GTF2H3: variants seen among roughly 807,000 people sequenced by gnomAD.
GTF2H3 encodes general transcription factor IIH subunit 3.
Under a neutral mutation model 51.1 loss-of-function variants are expected in GTF2H3, and 42 were observed. The observed-to-expected ratio is 0.82, with a 90% CI of 0.64 to 1.06. The LOEUF (loss-of-function observed/expected upper bound fraction) is 1.06, where lower values mean the gene tolerates loss of function less well. Among genes scored for constraint, GTF2H3 ranks in the 50% least tolerant of loss-of-function variants. The probability of loss-of-function intolerance (pLI) is 0.00; values close to 1 mark genes in which losing one functional copy is unlikely to be tolerated. For missense variants in GTF2H3, 326 were observed against 366.1 expected (o/e 0.89, Z 0.89); for synonymous variants, 123 against 123.8 (o/e 0.99, Z 0.04).
Position 123,645,483 on chromosome 12 carries a change from T to C in GTF2H3, c.122T>C (p.Val41Ala), listed in dbSNP as rs781051083. ...ACTTTATCCAAATGCATAGATGCCG[T>C]GATGGTGCTGGGAAATTCGCATTTA... ...QFTLSKCIDA[V>A]MVLGNSHLFM... Residue 41 changes from valine (V) to alanine (A), a missense_variant, in exon 3 of 13, where the codon GTG (valine) becomes GCG (alanine). Physicochemically the swap from Val to Ala is moderately conservative, Grantham distance 64. Transcript: ENST00000543341. 5 of 1,606,376 alleles carry C rather than the reference T, an allele frequency of 3.1e-6. No individual in the cohort carries two copies. Among genetic ancestry groups the C allele is most frequent in the East Asian group, 2.2e-5 (1 of 44,840 alleles).
chr12:123,659,828 C>T lies in GTF2H3; in HGVS notation c.718C>T (p.Gln240Ter). 6.2e-7 allele frequency: 1 copy of T among 1,613,348 alleles called. No individual in the cohort carries two copies. ...VFLPDQDQRSQLILPPPVHVD... is the reference protein window; with the variant it reads ...VFLPDQDQRS The stretch of plus-strand genomic sequence containing the variant: ...TCTTCCCGATCAAGATCAGAGATCT[C>T]AGTTAATCCTCCCACCCCCAGTTCA... The change falls in exon 11 of 13, where the codon CAG becomes TAG. Residue 240 changes from glutamine (Q) to a stop codon, truncating the protein, a stop_gained. Transcript: ENST00000543341. LOFTEE classifies it high-confidence loss of function.
Position 123,654,937 on chromosome 12 carries a change from C to T in GTF2H3, c.500C>T (p.Ala167Val), listed in dbSNP as rs780592265. ...TGTGATTTTTAGGTGATTAAGGCTGCAGAAGACAGTGCGTTGCAGTATATG... is the reference window on the plus strand; with the variant it reads ...TGTGATTTTTAGGTGATTAAGGCTGTAGAAGACAGTGCGTTGCAGTATATG... ...MKSRILVIKA[A>V]EDSALQYMNF... Residue 167 changes from alanine to valine, a missense_variant, in exon 8 of 13, where the codon GCA becomes GTA. Transcript: ENST00000543341. 1.9e-6 allele frequency: 3 copies of T among 1,612,406 alleles called. No individual in the cohort carries two copies. Among genetic ancestry groups the T allele is most frequent in the African/African-American group, 1.3e-5 (1 of 74,866 alleles).
chr12:123,654,872 G>A (rs2135797172), intron 7 of GTF2H3, 52 bp from the exon 8 acceptor site: 1 of 1,207,262 alleles, frequency 8.3e-7, no homozygotes, highest in Non-Finnish European at 1.2e-6. Flanking sequence ...TGACATTGGT[G>A]TGAGAGGACT....
chr12:123,645,417 G>A lies in GTF2H3; in HGVS notation c.94-38G>A, dbSNP rs1275325361. The A allele has an allele frequency of 5.7e-6, 6 of 1,058,704 alleles. No individual in the cohort carries two copies. In the Admixed American group the frequency reaches 1.0e-4, roughly 18 times the overall value. 65.6% of individuals were successfully genotyped at this position (1,058,704 alleles called of 1,614,324 possible). A position where few individuals can be genotyped will look rare whatever the true frequency, so the allele number is the denominator to read the frequency against. The stretch of plus-strand genomic sequence containing the variant: ...AAGACCTGACATGGTTATTTGGATA[G>A]CTAATTTGTTTTTCTAATGTCTTTT... On this transcript the variant is annotated intron_variant, in intron 2 of 12. Transcript: ENST00000543341.
At chr12:123,646,338 C>T (rs187312656) in intron 3 of GTF2H3, among the ~76,000 whole-genome samples, 7 of 150,584 alleles carry the variant, frequency 4.6e-5, no homozygotes, top group Admixed American at 2.7e-4. Context: ...GTCACTGTAG[C>T]GTCTGACCTT....
chr12:123,659,457 A>G (rs759076180), intron 9 of GTF2H3, 59 bp from the exon 10 acceptor site: 133 of 1,408,996 alleles, frequency 9.4e-5, no homozygotes, highest in Non-Finnish European at 4.5e-5. Flanking sequence ...TGAGAACCTC[A>G]TTCCTCTGGA....
At chr12:123,634,094 C>T (rs980691422) in intron 1 of GTF2H3, among the ~76,000 whole-genome samples, 1 of 152,146 alleles carries the variant, frequency 6.6e-6, no homozygotes, top group Non-Finnish European at 1.5e-5. Flanking sequence ...CAGACAGGGG[C>T]CTTAGTGGAG....
intron 9 of GTF2H3, among the ~76,000 whole-genome samples, chr12:123,658,971 G>C (rs778403839): frequency 6.6e-6 from 1 of 152,084 alleles, no homozygotes; most frequent in Non-Finnish European, 1.5e-5. Flanking sequence ...TATCATTACC[G>C]ACCAGGGAAG....
chr12:123,652,474 T>TA (rs1169880568), intron 5 of GTF2H3, 58 bp from the exon 6 acceptor site: 1 of 998,830 alleles, frequency 1.0e-6, no homozygotes, highest in Non-Finnish European at 1.5e-6. Context: ...TTCTTTTTAC[T>TA]ATAAATATTT....
intron 1 of GTF2H3, among the ~76,000 whole-genome samples, chr12:123,637,519 T>C (rs1418635607): frequency 3.3e-5 from 5 of 151,840 alleles, no homozygotes; most frequent in Middle Eastern, 6.8e-3. Context: ...TTTTTTTTTT[T>C]TGAGACAGAG....
chr12:123,660,129 A>C, intron 12 of GTF2H3, 37 bp from the exon 13 acceptor site: 5 of 1,609,566 alleles, frequency 3.1e-6, no homozygotes, highest in Non-Finnish European at 4.2e-6. Flanking sequence ...TCACAGCTCT[A>C]GAACATTAAA....
intron 3 of GTF2H3, among the ~76,000 whole-genome samples, chr12:123,645,906 A>C (rs781754251): frequency 1.3e-5 from 2 of 152,108 alleles, no homozygotes; most frequent in Non-Finnish European, 2.9e-5. Context: ...TAGATGGGAG[A>C]TGTGATTCTG....
rs145154968 is a variant in GTF2H3, at chr12:123,654,759, G to A, written c.487-165G>A. ...AAACCGTTACGTGGAGCGGGATTTC[G>A]GGGGAAATGTTACTGTCATCTTTAT... On this transcript the variant is annotated intron_variant, in intron 7 of 12. Transcript: ENST00000543341. Among the ~76,000 whole-genome samples, 288 of 152,190 alleles carry A rather than the reference G, an allele frequency of 1.9e-3. 1 individual carries two copies. Among genetic ancestry groups the A allele is most frequent in the African/African-American group, 6.5e-3 (268 of 41,520 alleles).
At chr12:123,655,360 T>C (rs1955573469) in intron 8 of GTF2H3, among the ~76,000 whole-genome samples, 1 of 152,204 alleles carries the variant, frequency 6.6e-6, no homozygotes, top group African/African-American at 2.4e-5. Flanking sequence ...AAATTCAGTA[T>C]TTTTACTTTG....
At chr12:123,657,486 G>A (rs1331215261) in intron 9 of GTF2H3, among the ~76,000 whole-genome samples, 2 of 152,206 alleles carry the variant, frequency 1.3e-5, no homozygotes, top group Non-Finnish European at 2.9e-5. Flanking sequence ...CTTCCCGCAG[G>A]TGTTTGCATG....
At chr12:123,639,410 A>T in intron 2 of GTF2H3, 67 bp downstream of exon 2, 1 of 770,482 alleles carries the variant, frequency 1.3e-6, no homozygotes, top group Non-Finnish European at 2.3e-6. Flanking sequence ...GCTTTTTTAA[A>T]AAATGGCTTT....
At chr12:123,643,103 C>T (rs139455502) in intron 2 of GTF2H3, among the ~76,000 whole-genome samples, 1,705 of 152,304 alleles carry the variant, frequency 0.011, 18 homozygotes, top group Middle Eastern at 0.044. Flanking sequence ...GTTGCAAACT[C>T]CTGAGCTCAG....
chr12:123,641,232 C>CTT (rs59529596), intron 2 of GTF2H3, among the ~76,000 whole-genome samples: 308 of 146,212 alleles, frequency 2.1e-3, no homozygotes, highest in African/African-American at 7.3e-3. Flanking sequence ...TTGTGTATTT[C>CTT]TTTTTTTTTT....
intron 2 of GTF2H3, among the ~76,000 whole-genome samples, chr12:123,640,978 G>A (rs1235075737): frequency 2.0e-5 from 3 of 152,002 alleles, no homozygotes; most frequent in African/African-American, 4.8e-5. Flanking sequence ...TTTGTTTCTA[G>A]TGAAGTGTTC....
Sources: gnomAD v4.1 joint callset for allele counts (sites outside exome capture counted in the v4.1 genomes callset) on GRCh38, gnomAD v4.1.1 for gene constraint, MANE v1.5 for transcripts, NCBI Gene and HGNC (gene_info 2026-07-23, HGNC 2026-07-21) for gene names.